Variants in CELSR1 observed in about 807,000 individuals in gnomAD.
CELSR1 encodes cadherin EGF LAG seven-pass G-type receptor 1, also known as adhesion G protein-coupled receptor C1.
In CELSR1, 110 loss-of-function variants were observed where a neutral mutation model predicts 249.1. The observed-to-expected ratio is 0.44, with a 90% CI of 0.38 to 0.52. CELSR1 has a LOEUF of 0.52. Among genes scored for constraint, CELSR1 ranks in the 20% least tolerant of loss-of-function variants. The pLI, the probability that CELSR1 is intolerant of heterozygous loss-of-function variation, is 0.00. For missense variants in CELSR1, 4,109 were observed against 4,296.4 expected, an observed-to-expected ratio of 0.96 and a Z score of 1.22; for synonymous variants, 2,113 against 1,900.0, an observed-to-expected ratio of 1.11 and a Z score of -2.92.
rs57771161 is a variant in CELSR1 at position 46,416,105 on chromosome 22, A to T, written c.4612-4346T>A. Among the ~76,000 whole-genome samples, 11 of 119,930 alleles carry T rather than the reference A, an allele frequency of 9.2e-5. 1 individual carries two copies. The highest frequency in any genetic ancestry group is 2.6e-4 in the African/African-American group (8 of 30,522). The allele number at this position is 119,930 out of a possible 152,430, so 78.7% of individuals were successfully genotyped here. ...TGACGATGAATGGTACAGGTTGCAG[A>T]GGGGGGCGGATAAGGAATGAGACAG... is the stretch of plus-strand genomic sequence containing the variant. On this transcript the variant is annotated intron_variant, in intron 5 of 34. Coordinates refer to ENST00000674500, the MANE Select transcript of CELSR1 (RefSeq NM_001378328.1).
rs552103179 is a variant in CELSR1 at position 46,407,595 on chromosome 22, G to A, written c.5226+1401C>T. On this transcript the variant is annotated intron_variant, in intron 9 of 34. Coordinates refer to ENST00000674500, the MANE Select transcript of CELSR1 (RefSeq NM_001378328.1). This position sits in a 1 kb window ranked among gnomAD's most constrained non-coding sequence, Gnocchi z 4.8. ...TGCAGTGAGCTGAGGTTACGCCGTC[G>A]CACTCCAGCCTGGGCAACAAGAGCA... 1.6e-4 allele frequency among the ~76,000 whole-genome samples: 24 copies of A among 152,068 alleles called. No homozygotes were observed. Among genetic ancestry groups the A allele is most frequent in the Middle Eastern group, 3.4e-3 (1 of 294 alleles).
chr22:46,487,795 G>A (rs1163758456), intron 1 of CELSR1, among the ~76,000 whole-genome samples: 7 of 141,758 alleles, frequency 4.9e-5, no homozygotes, highest in African/African-American at 1.1e-4. Context: ...GGATACTGAC[G>A]GAAGTAGAGG....
chr22:46,532,945 T>G (rs990261536), intron 1 of CELSR1, among the ~76,000 whole-genome samples: 1 of 152,112 alleles, frequency 6.6e-6, no homozygotes, highest in Non-Finnish European at 1.5e-5. Flanking sequence ...CCAGAGCAGG[T>G]GAGCGAGGTG....
Position 46,410,848 on chromosome 22 carries a change from G to A in CELSR1, c.4770-287C>T, listed in dbSNP as rs1434172538. On this transcript the variant is annotated intron_variant, in intron 6 of 34. Coordinates refer to ENST00000674500, the MANE Select transcript of CELSR1 (RefSeq NM_001378328.1). The surrounding 1 kb of genome is among the most constrained non-coding windows in gnomAD (Gnocchi z 6.8). ...TGGTCCACACCGAGACAGGATGTGA[G>A]CGCAGGGAGCACAGGTCAAGGCCAG... Among the ~76,000 whole-genome samples the A allele has an allele frequency of 6.6e-6, 1 of 152,036 alleles. No homozygotes were observed. The highest frequency in any genetic ancestry group is 2.4e-5 in the African/African-American group (1 of 41,406).
At chr22:46,435,182 G>A (rs1040157218) in intron 4 of CELSR1, among the ~76,000 whole-genome samples, 11 of 148,450 alleles carry the variant, frequency 7.4e-5, no homozygotes, top group African/African-American at 2.7e-4. Flanking sequence ...GAACTTCTGA[G>A]CTCAAGCAAT....
chr22:46,499,024 A>G (rs1199559696), intron 1 of CELSR1, among the ~76,000 whole-genome samples: 1 of 151,962 alleles, frequency 6.6e-6, no homozygotes, highest in African/African-American at 2.4e-5. Flanking sequence ...TACTAAAAAT[A>G]CAAAAATTAG....
rs368371747 is a variant in CELSR1, at chr22:46,391,784, G to A, written c.5997C>T (p.Thr1999=). ...ENYYKLLAQD[T]CLPCDCFPHG... Reference sequence around the variant, plus strand: ...GGGGGAAGCAGTCGCAGGGCAGACAGGTGTCCTGGGCTAGGAGCTTGTAGT... The same window carrying A: ...GGGGGAAGCAGTCGCAGGGCAGACAAGTGTCCTGGGCTAGGAGCTTGTAGT... The change falls in exon 15 of 35, where the codon ACC becomes ACT. Residue 1999 remains threonine (T), a synonymous_variant. Coordinates refer to ENST00000674500, the MANE Select transcript of CELSR1 (RefSeq NM_001378328.1). This position sits in a 1 kb window ranked among gnomAD's most constrained non-coding sequence, Gnocchi z 4.3. 3.7e-5 allele frequency: 60 copies of A among 1,612,514 alleles called. No homozygotes were observed. Among genetic ancestry groups the A allele is most frequent in the East Asian group, 3.3e-4 (15 of 44,856 alleles).
At position 46,500,805 on chromosome 22, in the gene CELSR1, T is replaced by A. The variant is rs80262621; in HGVS notation, c.3544+32822A>T. On this transcript the variant is annotated intron_variant, in intron 1 of 34. Transcript: ENST00000674500. The surrounding 1 kb of genome is among the most constrained non-coding windows in gnomAD (Gnocchi z 4.9). ...AGCTGCCCGGGAGGCCAGCAGCAGG[T>A]CAGGCCACTACATTGCGTCTCTCAG... 5.0e-3 allele frequency among the ~76,000 whole-genome samples: 759 copies of A among 152,160 alleles called. 45 individuals carry two copies. In the East Asian group the frequency reaches 0.12, roughly 25 times the overall value.
chr22:46,391,096 C>G lies in CELSR1; in HGVS notation c.6250+90G>C. The G allele has an allele frequency of 2.8e-6, 3 of 1,077,276 alleles. No homozygotes were observed. Among genetic ancestry groups the G allele is most frequent in the Non-Finnish European group, 4.1e-6 (3 of 735,146 alleles). The allele number at this position is 1,077,276 out of a possible 1,614,324, so 66.7% of individuals were successfully genotyped here. On this transcript the variant is annotated intron_variant, in intron 16 of 34. Transcript: ENST00000674500. The surrounding 1 kb of genome is among the most constrained non-coding windows in gnomAD (Gnocchi z 4.3). ...TTTGCCTGCGGATATTTTTTCAACA[C>G]GAAACATTCCATGAGTCCCCACATC...
At chr22:46,465,643 C>A (rs1052315686) in intron 1 of CELSR1, among the ~76,000 whole-genome samples, 1 of 152,216 alleles carries the variant, frequency 6.6e-6, no homozygotes, top group Non-Finnish European at 1.5e-5. Context: ...CCGCACCCGG[C>A]GCTTTCCCAG....
At chr22:46,478,545 A>ATTTTTTT (rs34932520) in intron 1 of CELSR1, among the ~76,000 whole-genome samples, 1 of 143,400 alleles carries the variant, frequency 7.0e-6, no homozygotes, top group East Asian at 2.0e-4. Flanking sequence ...AAAGATGAGA[A>ATTTTTTT]TTTTTTTTTT....
chr22:46,444,722 AC>A (rs1236352730), intron 2 of CELSR1, among the ~76,000 whole-genome samples: 1 of 152,206 alleles, frequency 6.6e-6, no homozygotes, highest in Non-Finnish European at 1.5e-5. Flanking sequence ...TCATTGTCTC[AC>A]AGTCGCACAG....
intron 5 of CELSR1, among the ~76,000 whole-genome samples, chr22:46,418,819 T>C (rs1277142493): frequency 1.3e-5 from 2 of 152,238 alleles, no homozygotes; most frequent in African/African-American, 4.8e-5. Context: ...GCCTTTTATT[T>C]CTCAGGCAAG....
At chr22:46,460,159 C>T (rs2080004551) in intron 2 of CELSR1, among the ~76,000 whole-genome samples, 1 of 150,360 alleles carries the variant, frequency 6.7e-6, no homozygotes, top group South Asian at 2.1e-4. Flanking sequence ...CTGGGTGACA[C>T]AGTGAGACTC....
rs1171741756 is a variant in CELSR1, at chr22:46,428,304, G to A, written c.4611+5089C>T. 1.3e-5 allele frequency among the ~76,000 whole-genome samples: 2 copies of A among 152,342 alleles called. No individual in the cohort carries two copies. Among genetic ancestry groups the A allele is most frequent in the Non-Finnish European group, 2.9e-5 (2 of 68,026 alleles). On this transcript the variant is annotated intron_variant, in intron 5 of 34. Transcript: ENST00000674500. The surrounding 1 kb of genome is among the most constrained non-coding windows in gnomAD (Gnocchi z 5.7). The stretch of plus-strand genomic sequence containing the variant: ...ACTCCAGCAGCCAGCTCAGGCATGG[G>A]GCTTCATTGCGTGTGGTCTAGCCAC...
At chr22:46,519,859 C>T (rs1364767314) in intron 1 of CELSR1, among the ~76,000 whole-genome samples, 1 of 151,002 alleles carries the variant, frequency 6.6e-6, no homozygotes, top group Non-Finnish European at 1.5e-5. Context: ...TAGTTCAGTA[C>T]CTACCCCTAT....
intron 1 of CELSR1, among the ~76,000 whole-genome samples, chr22:46,480,600 C>T (rs2080256680): frequency 6.6e-6 from 1 of 152,164 alleles, no homozygotes; most frequent in Non-Finnish European, 1.5e-5. Context: ...TGCAGAAACA[C>T]TTCTGGTAAA....
rs567394693 is a variant in CELSR1, at chr22:46,535,829, C to T, written c.1342G>A (p.Glu448Lys). ...TAGTTGTCGTTCTCGTCCTCCACCTCGATGTACACGGTGGCCGTGGCACTG... is the reference window on the plus strand; with the variant it reads ...TAGTTGTCGTTCTCGTCCTCCACCTTGATGTACACGGTGGCCGTGGCACTG... ...PLSATATVYI[E>K]VEDENDNYPQ... Residue 448 changes from glutamate to lysine, a missense_variant, in exon 1 of 35, where the codon GAG (glutamate) becomes AAG (lysine). Transcript: ENST00000674500. The T allele has an allele frequency of 6.2e-7, 1 of 1,605,704 alleles. No individual in the cohort carries two copies. Among genetic ancestry groups the T allele is most frequent in the African/African-American group, 1.4e-5 (1 of 73,774 alleles).
chr22:46,450,940 C>A (rs1211973342), intron 2 of CELSR1, among the ~76,000 whole-genome samples: 2 of 152,222 alleles, frequency 1.3e-5, no homozygotes, highest in Non-Finnish European at 2.9e-5. Flanking sequence ...CGGCTGTGAG[C>A]TACGCACCTG....
Sources: gnomAD v4.1 joint callset for allele counts (sites outside exome capture counted in the v4.1 genomes callset) on GRCh38, gnomAD v4.1.1 for gene constraint, Gnocchi (gnomAD v3.1) non-coding constraint, MANE v1.5 for transcripts, NCBI Gene and HGNC (gene_info 2026-07-23, HGNC 2026-07-21) for gene names.